Variants in SEC14L1 observed in about 807,000 individuals in gnomAD.
SEC14L1 encodes the protein SEC14-like protein 1.
A neutral mutation model predicts 85.3 loss-of-function variants in SEC14L1; 48 were observed. That is an observed-to-expected ratio of 0.56 (90% CI 0.45 to 0.72). The LOEUF (loss-of-function observed/expected upper bound fraction) is 0.72, where lower values mean the gene tolerates loss of function less well. SEC14L1 is among the 30% of genes least tolerant of loss of function. The probability of loss-of-function intolerance (pLI) is 0.00; values close to 1 mark genes in which losing one functional copy is unlikely to be tolerated. For missense variants in SEC14L1, 682 were observed against 921.4 expected, an observed-to-expected ratio of 0.74 and a Z score of 3.36; for synonymous variants, 391 against 355.5, an observed-to-expected ratio of 1.10 and a Z score of -1.12.
intron 3 of SEC14L1, among the ~76,000 whole-genome samples, chr17:77,160,659 A>C (rs1444234435): frequency 1.3e-5 from 2 of 152,220 alleles, no homozygotes; most frequent in East Asian, 3.8e-4. Context: ...AAAGATGTGT[A>C]TACCTCCATT....
At chr17:77,143,755 G>A in intron 3 of SEC14L1, 96 bp downstream of exon 3, 1 of 870,562 alleles carries the variant, frequency 1.1e-6, no homozygotes, top group Non-Finnish European at 1.9e-6. Flanking sequence ...TCGTCTCCAT[G>A]GCATCACTTG....
At chr17:77,194,632 G>T in intron 6 of SEC14L1, 45 bp from the exon 7 acceptor site, 2 of 1,444,020 alleles carry the variant, frequency 1.4e-6, no homozygotes, top group Non-Finnish European at 1.9e-6. Flanking sequence ...TGAGTAATTT[G>T]AATGTTGAAT....
At position 77,194,705 on chromosome 17, in the gene SEC14L1, G is replaced by T. The variant is rs767606459; in HGVS notation, c.503G>T (p.Arg168Leu). The T allele has an allele frequency of 2.5e-6, 4 of 1,614,032 alleles. No homozygotes were observed. Among genetic ancestry groups the T allele is most frequent in the Non-Finnish European group, 3.4e-6 (4 of 1,179,946 alleles). The change falls in exon 7 of 17, where the codon CGC becomes CTC. Residue 168 changes from arginine to leucine, a missense_variant. By Grantham distance (102) the Arg-to-Leu change is moderately radical. Transcript: ENST00000436233. The part of the protein sequence containing the change: ...KGKEIIEYYL[R>L]QLEEEGITFV... Reference sequence around the variant, plus strand: ...AAGGAAATCATCGAATACTACCTTCGCCAATTAGAAGAAGAAGGCATAACC... The same window carrying T: ...AAGGAAATCATCGAATACTACCTTCTCCAATTAGAAGAAGAAGGCATAACC...
At position 77,129,456 on chromosome 17, in the gene SEC14L1, C is replaced by T. The variant is rs888466094; in HGVS notation, c.-135-13190C>T. Among the ~76,000 whole-genome samples the T allele has an allele frequency of 3.3e-5, 5 of 152,224 alleles. No individual in the cohort carries two copies. In the East Asian group the frequency reaches 7.7e-4, roughly 24 times the overall value. On this transcript the variant is annotated intron_variant, in intron 3 of 19. Coordinates refer to the SEC14L1 transcript ENST00000392476. The stretch of plus-strand genomic sequence containing the variant: ...ATGTGTGATTCTCAGCTGGAGGTCA[C>T]ACTGTGTATATAGAACCTTCCCGGG...
At chr17:77,104,176 G>A (rs1971849031) in intron 3 of SEC14L1, among the ~76,000 whole-genome samples, 2 of 147,466 alleles carry the variant, frequency 1.4e-5, no homozygotes, top group Non-Finnish European at 3.0e-5. Flanking sequence ...CTAGAGTGCA[G>A]TGGTGCGATC....
At chr17:77,118,933 C>A (rs1972237384) in intron 3 of SEC14L1, among the ~76,000 whole-genome samples, 1 of 152,148 alleles carries the variant, frequency 6.6e-6, no homozygotes, top group Non-Finnish European at 1.5e-5. Flanking sequence ...CCTGGCTTTG[C>A]TGACTTCCCA....
chr17:77,144,247 T>G (rs1167331072), intron 3 of SEC14L1, among the ~76,000 whole-genome samples: 1 of 152,244 alleles, frequency 6.6e-6, no homozygotes, highest in Non-Finnish European at 1.5e-5. Context: ...TGTGTTATTA[T>G]TAAGATATAA....
intron 3 of SEC14L1, among the ~76,000 whole-genome samples, chr17:77,171,304 G>A (rs750918190): frequency 1.9e-4 from 29 of 152,012 alleles, no homozygotes; most frequent in Non-Finnish European, 4.0e-4. Context: ...GGTAATATTC[G>A]TTTTTCTTCT....
At chr17:77,123,650 C>A (rs550238085) in intron 3 of SEC14L1, among the ~76,000 whole-genome samples, 1 of 151,346 alleles carries the variant, frequency 6.6e-6, no homozygotes, top group East Asian at 2.0e-4. Context: ...TGGGCTCAAG[C>A]GATCTGCCCA....
At chr17:77,143,104 A>G (rs576511813) in intron 2 of SEC14L1, among the ~76,000 whole-genome samples, 84 of 152,082 alleles carry the variant, frequency 5.5e-4, no homozygotes, top group Non-Finnish European at 9.3e-4. Flanking sequence ...ATACAGTAGT[A>G]TTTTTTTCCA....
At position 77,106,500 on chromosome 17, in the gene SEC14L1, C is replaced by T. The variant is rs543907325; in HGVS notation, c.-136+13153C>T. ...TGAGCCGAGATCGTGTCACTGCACT[C>T]CAGCCTGGGCAACAGAGTGAGACTT... On this transcript the variant is annotated intron_variant, in intron 3 of 19. Transcript: ENST00000392476. Among the ~76,000 whole-genome samples the T allele has an allele frequency of 1.7e-3, 265 of 151,706 alleles. 2 individuals are homozygous for T. Among genetic ancestry groups the T allele is most frequent in the African/African-American group, 6.1e-3 (252 of 41,344 alleles).
At chr17:77,115,912 T>G (rs1255972965) in intron 3 of SEC14L1, among the ~76,000 whole-genome samples, 2 of 144,072 alleles carry the variant, frequency 1.4e-5, no homozygotes, top group African/African-American at 5.0e-5. Context: ...AAGTTTTGAC[T>G]CTCCTTTTTT....
chr17:77,117,030 C>T (rs1972184398), intron 3 of SEC14L1, among the ~76,000 whole-genome samples: 1 of 152,188 alleles, frequency 6.6e-6, no homozygotes. Flanking sequence ...AACAGTTTTC[C>T]GTCTTTATCT....
chr17:77,153,360 C>G (rs1010679259), intron 3 of SEC14L1, among the ~76,000 whole-genome samples: 4 of 152,310 alleles, frequency 2.6e-5, no homozygotes, highest in Admixed American at 1.3e-4. Context: ...AACCACTGAG[C>G]CTGGCTAGCA....
chr17:77,162,713 G>A (rs998164226), intron 3 of SEC14L1, among the ~76,000 whole-genome samples: 1 of 151,752 alleles, frequency 6.6e-6, no homozygotes, highest in Non-Finnish European at 1.5e-5. Flanking sequence ...GCCTGTAATC[G>A]CAGCTACTCG....
rs1976850338 is a variant in SEC14L1 at position 77,213,110 on chromosome 17, A to G, written c.1864-204A>G. Among the ~76,000 whole-genome samples, 1 of 152,328 alleles carries G rather than the reference A, an allele frequency of 6.6e-6. No homozygotes were observed. Among genetic ancestry groups the G allele is most frequent in the Non-Finnish European group, 1.5e-5 (1 of 68,024 alleles). ...AGCTTGTCCCTCCGGGCTTCCCAGC[A>G]CCCGGGAGTGACCACACTCAGTAGA... On this transcript the variant is annotated intron_variant, in intron 15 of 16. Coordinates refer to ENST00000436233, the MANE Select transcript of SEC14L1 (RefSeq NM_001143998.2). The surrounding 1 kb of genome is among the most constrained non-coding windows in gnomAD (Gnocchi z 7.1).
intron 3 of SEC14L1, among the ~76,000 whole-genome samples, chr17:77,179,352 G>A (rs1344291935): frequency 6.6e-6 from 1 of 152,160 alleles, no homozygotes; most frequent in Non-Finnish European, 1.5e-5. Context: ...TTTGGTGCGT[G>A]GCATGTGAGC....
chr17:77,145,766 G>A (rs1973273058), intron 3 of SEC14L1, among the ~76,000 whole-genome samples: 1 of 152,152 alleles, frequency 6.6e-6, no homozygotes, highest in Non-Finnish European at 1.5e-5. Flanking sequence ...GCCTGGTAGT[G>A]GAGGGAGGTT....
chr17:77,162,598 C>T (rs988734254), intron 3 of SEC14L1, among the ~76,000 whole-genome samples: 2 of 152,028 alleles, frequency 1.3e-5, no homozygotes, highest in East Asian at 1.9e-4. Context: ...TTTGGGAGGC[C>T]GAGGCAGGTG....
Sources: gnomAD v4.1 joint callset for allele counts (sites outside exome capture counted in the v4.1 genomes callset) on GRCh38, gnomAD v4.1.1 for gene constraint, Gnocchi (gnomAD v3.1) non-coding constraint, MANE v1.5 for transcripts, NCBI Gene and HGNC (gene_info 2026-07-23, HGNC 2026-07-21) for gene names.